Variants in NLGN1 observed in about 807,000 individuals in gnomAD.
The protein encoded by NLGN1 is neuroligin 1.
NLGN1 carries 12 observed loss-of-function variants against 65.5 expected under a neutral mutation model. The observed-to-expected ratio is 0.18, with a 90% CI of 0.12 to 0.30. The LOEUF (loss-of-function observed/expected upper bound fraction) is 0.30. Ranked by LOEUF, NLGN1 falls within the 10% of genes least tolerant of loss-of-function variation. The pLI is 1.00. For synonymous variants in NLGN1, 350 were observed against 359.5 expected, an observed-to-expected ratio of 0.97 and a Z score of 0.30; for missense variants, 750 against 1,007.1, an observed-to-expected ratio of 0.74 and a Z score of 3.46.
chr3:173,453,434 C>A (rs1233600917), intron 2 of NLGN1, among the ~76,000 whole-genome samples: 1 of 151,504 alleles, frequency 6.6e-6, no homozygotes, highest in Non-Finnish European at 1.5e-5. Flanking sequence ...TTGATTGATC[C>A]TTCCTTTCAA....
At chr3:174,240,946 A>C (rs1252352510) in intron 4 of NLGN1, among the ~76,000 whole-genome samples, 1 of 152,056 alleles carries the variant, frequency 6.6e-6, no homozygotes, top group Non-Finnish European at 1.5e-5. Context: ...ATTTCCACCA[A>C]TTTCCAAAAT....
chr3:174,019,066 G>T lies in NLGN1; in HGVS notation c.646+211234G>T, dbSNP rs1035849436. 3.8e-5 allele frequency among the ~76,000 whole-genome samples: 5 copies of T among 132,244 alleles called. No homozygotes were observed. In the Admixed American group the frequency reaches 3.8e-4, roughly 10 times the overall value. The allele number at this position is 132,244 out of a possible 152,430, so 86.8% of individuals were successfully genotyped here. A position where few individuals can be genotyped will look rare whatever the true frequency, so the allele number is the denominator to read the frequency against. On this transcript the variant is annotated intron_variant, in intron 4 of 6. Coordinates refer to ENST00000457714, the Ensembl canonical transcript of NLGN1. ...CACAAAATGGAGTATTAATAAATCA[G>T]GTATTCAATGCCACCAAATACAAGC...
chr3:173,982,503 A>G (rs1718983690), intron 4 of NLGN1, among the ~76,000 whole-genome samples: 1 of 152,148 alleles, frequency 6.6e-6, no homozygotes, highest in South Asian at 2.1e-4. Context: ...TACAGACCTT[A>G]TAGATAAGGA....
chr3:173,873,923 T>G (rs1028692577), intron 4 of NLGN1, among the ~76,000 whole-genome samples: 39 of 152,086 alleles, frequency 2.6e-4, no homozygotes, highest in African/African-American at 9.2e-4. Flanking sequence ...ATGTGTAGGC[T>G]CTAATCCCAT....
intron 2 of NLGN1, among the ~76,000 whole-genome samples, chr3:173,517,449 AC>A (rs1442661111): frequency 6.6e-6 from 1 of 152,074 alleles, no homozygotes; most frequent in Non-Finnish European, 1.5e-5. Context: ...TCAACCAAAG[AC>A]AGTATGAATT....
chr3:174,112,284 T>C (rs189117043), intron 4 of NLGN1, among the ~76,000 whole-genome samples: 140 of 152,076 alleles, frequency 9.2e-4, no homozygotes, highest in Middle Eastern at 3.4e-3. Context: ...GATAAGATGA[T>C]TGATTAATAA....
chr3:174,064,160 A>AC (rs986605274), intron 4 of NLGN1, among the ~76,000 whole-genome samples: 1 of 152,110 alleles, frequency 6.6e-6, no homozygotes, highest in Non-Finnish European at 1.5e-5. Flanking sequence ...AACAACAACA[A>AC]AAAACAATAG....
chr3:173,963,903 T>A (rs1482814885), intron 4 of NLGN1, among the ~76,000 whole-genome samples: 1 of 152,006 alleles, frequency 6.6e-6, no homozygotes, highest in Admixed American at 6.6e-5. Context: ...GAATGAAAAT[T>A]CTATAAAAGC....
At chr3:174,091,213 T>G (rs1255351194) in intron 4 of NLGN1, among the ~76,000 whole-genome samples, 1 of 152,220 alleles carries the variant, frequency 6.6e-6, no homozygotes, top group Admixed American at 6.5e-5. Context: ...GCTTCAACAT[T>G]GGTCATCTCC....
intron 3 of NLGN1, among the ~76,000 whole-genome samples, chr3:173,736,815 C>A (rs1266184962): frequency 2.0e-5 from 3 of 151,838 alleles, no homozygotes; most frequent in Non-Finnish European, 4.4e-5. Context: ...TTTCATATAC[C>A]TACCCACTAA....
intron 4 of NLGN1, among the ~76,000 whole-genome samples, chr3:174,109,778 G>A (rs1714778400): frequency 6.6e-6 from 1 of 151,982 alleles, no homozygotes; most frequent in South Asian, 2.1e-4. Context: ...ATTCCTTCCA[G>A]TTTTGTGTTT....
rs1334876079 is a variant in NLGN1 at position 173,604,443 on chromosome 3, G to A, written c.-156G>A. The A allele has an allele frequency of 1.2e-5, 9 of 732,862 alleles. No homozygotes were observed. The East Asian group carries it at 2.0e-4, about 16-fold the overall frequency. 45.4% of individuals were successfully genotyped at this position (732,862 alleles called of 1,614,324 possible). ...GCTCCAATACATGTGAAATCAATGGGAGATATCTGCTGTCTGAAGATCTTT... is the reference window on the plus strand; with the variant it reads ...GCTCCAATACATGTGAAATCAATGGAAGATATCTGCTGTCTGAAGATCTTT... On this transcript the variant is annotated 5_prime_UTR_variant, in exon 3 of 7. Coordinates refer to ENST00000457714, the Ensembl canonical transcript of NLGN1.
intron 3 of NLGN1, among the ~76,000 whole-genome samples, chr3:173,779,307 C>T (rs1330075662): frequency 1.0e-4 from 5 of 49,602 alleles, no homozygotes; most frequent in African/African-American, 3.3e-4. Flanking sequence ...TATTTATTTT[C>T]CTCTTAGATG....
chr3:173,521,403 AACTTT>A (rs200506552), intron 2 of NLGN1, among the ~76,000 whole-genome samples: 317 of 151,824 alleles, frequency 2.1e-3, no homozygotes, highest in African/African-American at 7.5e-3. Flanking sequence ...TATCCCTACA[AACTTT>A]ACTTGTTAAA....
chr3:174,056,376 T>C (rs139373928), intron 4 of NLGN1, among the ~76,000 whole-genome samples: 5 of 152,144 alleles, frequency 3.3e-5, no homozygotes, highest in South Asian at 2.1e-4. Flanking sequence ...ATATTTTTTC[T>C]ACTGAAATAA....
intron 2 of NLGN1, among the ~76,000 whole-genome samples, chr3:173,593,014 C>G (rs1372409819): frequency 6.6e-6 from 1 of 152,120 alleles, no homozygotes; most frequent in African/African-American, 2.4e-5. Context: ...CATTCTATAC[C>G]TTGGTTTTCA....
intron 4 of NLGN1, among the ~76,000 whole-genome samples, chr3:174,046,663 A>G (rs1733673425): frequency 6.6e-6 from 1 of 152,178 alleles, no homozygotes. Flanking sequence ...CCTTGGAAGT[A>G]TAGAAGAATA....
At chr3:174,154,163 T>A (rs575517221) in intron 4 of NLGN1, among the ~76,000 whole-genome samples, 1 of 152,144 alleles carries the variant, frequency 6.6e-6, no homozygotes, top group East Asian at 1.9e-4. Flanking sequence ...AAGAATAGCA[T>A]TTTTTTCTTC....
intron 4 of NLGN1, among the ~76,000 whole-genome samples, chr3:173,903,782 A>G (rs954014495): frequency 6.6e-6 from 1 of 152,174 alleles, no homozygotes; most frequent in African/African-American, 2.4e-5. Flanking sequence ...TAAAGTCTCA[A>G]ATGAGAGTTG....
Sources: allele counts gnomAD v4.1 joint callset (sites outside exome capture counted in the v4.1 genomes callset), GRCh38; gene constraint gnomAD v4.1.1; transcripts MANE v1.5; gene names NCBI Gene and HGNC (gene_info 2026-07-23, HGNC 2026-07-21).